The following USH2A variants were observed in gnomAD, a reference collection of about 807,000 sequenced individuals.
USH2A encodes the protein usherin, also known as Usher syndrome 2A (autosomal recessive, mild).
In USH2A, 443 loss-of-function variants were observed where a neutral mutation model predicts 538.9. That is an observed-to-expected ratio of 0.82 (90% CI 0.76 to 0.89). The LOEUF is 0.89. Among genes scored for constraint, USH2A ranks in the 40% least tolerant of loss-of-function variants. The probability of loss-of-function intolerance (pLI) is 0.00; values close to 1 mark genes in which losing one functional copy is unlikely to be tolerated. For missense variants in USH2A, 6,633 were observed against 6,324.8 expected, an observed-to-expected ratio of 1.05 and a Z score of -1.65; for synonymous variants, 2,413 against 2,273.5, an observed-to-expected ratio of 1.06 and a Z score of -1.75.
chr1:216,342,541 T>C (rs1022987660), intron 4 of USH2A, among the ~76,000 whole-genome samples: 2 of 152,162 alleles, frequency 1.3e-5, no homozygotes, highest in Admixed American at 6.6e-5. Flanking sequence ...TGCACACATA[T>C]GTTTACTGCA....
chr1:216,348,031 CT>C (rs2038212946), intron 4 of USH2A, among the ~76,000 whole-genome samples: 1 of 152,062 alleles, frequency 6.6e-6, no homozygotes, highest in Admixed American at 6.6e-5. Flanking sequence ...GTTGCTGATC[CT>C]TTGTTTTGCT....
chr1:215,625,895 GGCTACATACTT>G, intron 71 of USH2A, 25 bp from the exon 72 acceptor site: 1 of 1,594,608 alleles, frequency 6.3e-7, no homozygotes, highest in Non-Finnish European at 8.6e-7. Flanking sequence ...AATCATCATT[GGCTACATACTT>G]GCTATCAATA....
intron 23 of USH2A, among the ~76,000 whole-genome samples, chr1:216,088,114 C>G (rs1418980902): frequency 2.0e-5 from 3 of 151,984 alleles, no homozygotes; most frequent in African/African-American, 7.2e-5. Context: ...GTAGTGTGCT[C>G]TCACTTCAGG....
intron 3 of USH2A, among the ~76,000 whole-genome samples, chr1:216,381,713 A>C (rs1425360799): frequency 2.6e-5 from 4 of 152,098 alleles, no homozygotes; most frequent in African/African-American, 9.7e-5. Context: ...TACTTCATAA[A>C]TTTCTTTTCC....
intron 29 of USH2A, 145 bp from the exon 30 acceptor site, chr1:216,070,437 G>T (rs2031521108): frequency 2.6e-6 from 2 of 779,362 alleles, no homozygotes; most frequent in African/African-American, 1.7e-5. Flanking sequence ...TTTCAGCATT[G>T]ATTTAATATG....
At chr1:215,716,679 G>T (rs984990583) in intron 61 of USH2A, among the ~76,000 whole-genome samples, 3 of 152,096 alleles carry the variant, frequency 2.0e-5, no homozygotes, top group Admixed American at 1.3e-4. Flanking sequence ...CCTTTTGAAT[G>T]GATTAAAATT....
At chr1:216,273,827 AAC>A (rs1473290070) in intron 11 of USH2A, among the ~76,000 whole-genome samples, 1 of 150,678 alleles carries the variant, frequency 6.6e-6, no homozygotes, top group African/African-American at 2.5e-5. Context: ...AAAAAAAAAA[AAC>A]AAACCAGCAC....
intron 51 of USH2A, among the ~76,000 whole-genome samples, chr1:215,789,692 A>C (rs1409785477): frequency 2.6e-5 from 4 of 152,110 alleles, no homozygotes; most frequent in Admixed American, 2.0e-4. Flanking sequence ...CTGGCGGGCT[A>C]GGGAGAAGAA....
At chr1:216,049,184 A>G (rs2030652631) in intron 30 of USH2A, among the ~76,000 whole-genome samples, 1 of 152,246 alleles carries the variant, frequency 6.6e-6, no homozygotes, top group African/African-American at 2.4e-5. Flanking sequence ...GTTGTAGCTA[A>G]CAAGTATGCA....
intron 38 of USH2A, among the ~76,000 whole-genome samples, chr1:215,914,678 C>A (rs1558159222): frequency 6.6e-6 from 1 of 152,114 alleles, no homozygotes; most frequent in Non-Finnish European, 1.5e-5. Flanking sequence ...AAGTAGCCAG[C>A]CAGAACATGC....
In USH2A at chr1:216,152,515, C is replaced by T. The variant is rs552579527; in HGVS notation, c.4627+22737G>A. On this transcript the variant is annotated intron_variant, in intron 21 of 71. Transcript: ENST00000307340. ...CCACTCCCACCCGCCAGAGAACAAA[C>T]CCCCTTTGACTGTAATTTTCCTTTA... is the stretch of plus-strand genomic sequence containing the variant. Among the ~76,000 whole-genome samples, 3 of 151,968 alleles carry T rather than the reference C, an allele frequency of 2.0e-5. No homozygotes were observed. In the East Asian group the frequency reaches 5.9e-4, roughly 30 times the overall value.
intron 56 of USH2A, among the ~76,000 whole-genome samples, chr1:215,761,247 T>C (rs761792737): frequency 2.6e-5 from 4 of 152,198 alleles, no homozygotes; most frequent in Non-Finnish European, 4.4e-5. Context: ...TCATATGTTC[T>C]CATAGTTCAG....
rs41277200 is a variant in USH2A at position 215,877,783 on chromosome 1, G to A, written c.8656C>T (p.Leu2886Phe). Reference protein sequence around the residue: ...WHNIYSGTQWLYEDKGLSRFT... With the variant: ...WHNIYSGTQWFYEDKGLSRFT... The stretch of plus-strand genomic sequence containing the variant: ...CTGCTAAGACCCTTATCTTCATAAA[G>A]CCACTGAGTTCCTGAATAAATATTG... The change falls in exon 43 of 72, where the codon CTT (leucine) becomes TTT (phenylalanine). Residue 2886 changes from leucine (L) to phenylalanine (F), a missense_variant. By Grantham distance (22) the Leu-to-Phe change is conservative. Coordinates refer to ENST00000307340, the MANE Select transcript of USH2A (RefSeq NM_206933.4). The A allele has an allele frequency of 0.049, 79,006 of 1,613,538 alleles. 2,469 individuals are homozygous for A. The highest frequency in any genetic ancestry group is 0.14 in the East Asian group (6,083 of 44,860).
chr1:215,915,669 C>T (rs974169885), intron 38 of USH2A, among the ~76,000 whole-genome samples: 13 of 151,952 alleles, frequency 8.6e-5, no homozygotes, highest in Non-Finnish European at 1.9e-4. Flanking sequence ...CTATTTGACC[C>T]AGCCATCCCA....
chr1:215,637,580 T>G (rs1189104519), intron 69 of USH2A, among the ~76,000 whole-genome samples: 1 of 152,144 alleles, frequency 6.6e-6, no homozygotes, highest in Non-Finnish European at 1.5e-5. Context: ...CTAAATGAGA[T>G]CTGTTCTATC....
intron 61 of USH2A, among the ~76,000 whole-genome samples, chr1:215,718,132 C>T (rs1659538292): frequency 6.6e-6 from 1 of 152,192 alleles, no homozygotes. Flanking sequence ...AGGCACAGCA[C>T]TAACAAGATG....
rs2102634627 is a variant in USH2A, at chr1:215,639,175, TA to T, written c.15031del (p.Tyr5011MetfsTer11). 5 of 1,614,116 alleles carry T rather than the reference TA, an allele frequency of 3.1e-6. No individual in the cohort carries two copies. The highest frequency in any genetic ancestry group is 4.2e-6 in the Non-Finnish European group (5 of 1,179,996). On this transcript the variant is annotated frameshift_variant, in exon 69 of 72. Coordinates refer to ENST00000307340, the MANE Select transcript of USH2A (RefSeq NM_206933.4). LOFTEE classifies it high-confidence loss of function. ...TTTACCAAGTCCAGTAGAGGTATCA[TA>T]TTGGATCAACGGCGTCTTAACACTT... is the stretch of plus-strand genomic sequence containing the variant. ...EGSVKTPLIQ[Y>X]DTSTGLGLVL...
chr1:216,185,332 A>C (rs1483547346), intron 20 of USH2A, among the ~76,000 whole-genome samples: 1 of 151,928 alleles, frequency 6.6e-6, no homozygotes, highest in African/African-American at 2.4e-5. Context: ...TAATTGAAAA[A>C]ATGTTTAAAA....
chr1:215,808,639 G>A (rs573696619), intron 49 of USH2A, among the ~76,000 whole-genome samples: 1 of 151,988 alleles, frequency 6.6e-6, no homozygotes, highest in African/African-American at 2.4e-5. Context: ...CAAAACTATG[G>A]TTTGTCTTGT....
Sources: allele counts gnomAD v4.1 joint callset (sites outside exome capture counted in the v4.1 genomes callset), GRCh38; gene constraint gnomAD v4.1.1; transcripts MANE v1.5; gene names NCBI Gene and HGNC (gene_info 2026-07-23, HGNC 2026-07-21).